Variants in MYOCD observed in about 807,000 individuals in gnomAD.
MYOCD encodes myocardin.
In MYOCD, 32 loss-of-function variants were observed where a neutral mutation model predicts 96.1. That is an observed-to-expected ratio of 0.33 (90% confidence interval 0.25 to 0.45). The LOEUF is 0.45. MYOCD is among the 20% of genes least tolerant of loss of function. MYOCD has a pLI of 1.00. For missense variants in MYOCD, 1,133 were observed against 1,200.6 expected (o/e 0.94, Z 0.83); for synonymous variants, 469 against 469.0 (o/e 1.00, Z 0.00).
chr17:12,731,737 C>T (rs1377352570), intron 5 of MYOCD, among the ~76,000 whole-genome samples: 1 of 152,190 alleles, frequency 6.6e-6, no homozygotes, highest in African/African-American at 2.4e-5. Flanking sequence ...AAAAAGCAAA[C>T]TCAAATGCGT....
chr17:12,712,646 A>G (rs749195207), intron 2 of MYOCD, among the ~76,000 whole-genome samples: 1 of 152,234 alleles, frequency 6.6e-6, no homozygotes, highest in African/African-American at 2.4e-5. Flanking sequence ...CTTTGGGGAC[A>G]GAAATAGGAA....
At chr17:12,674,701 T>C (rs966819249) in intron 1 of MYOCD, among the ~76,000 whole-genome samples, 8 of 152,208 alleles carry the variant, frequency 5.3e-5, no homozygotes, top group African/African-American at 1.9e-4. Flanking sequence ...CTGTCCACTG[T>C]TTATCTACAA....
Position 12,741,932 on chromosome 17 carries a change from A to G in MYOCD, c.718-2251A>G, listed in dbSNP as rs546700443. Reference sequence around the variant, plus strand: ...TGTCCCCTGGGCTCAAAAAGAGAATAGTAATAGTAGCCTTTACCCCAGACT... The same window carrying G: ...TGTCCCCTGGGCTCAAAAAGAGAATGGTAATAGTAGCCTTTACCCCAGACT... On this transcript the variant is annotated intron_variant, in intron 7 of 13. Transcript: ENST00000425538. Among the ~76,000 whole-genome samples the G allele has an allele frequency of 5.9e-5, 9 of 152,140 alleles. No homozygotes were observed. The South Asian group carries it at 1.7e-3, about 28-fold the overall frequency.
rs1010856335 is a variant in MYOCD, at chr17:12,714,321, G to A, written c.122-1198G>A. On this transcript the variant is annotated intron_variant, in intron 2 of 13. Transcript: ENST00000425538. Reference sequence around the variant, plus strand: ...TGGTCTTAAGGGTTGAATGAGGCACGTGCACACACACACACACACACACAC... The same window carrying A: ...TGGTCTTAAGGGTTGAATGAGGCACATGCACACACACACACACACACACAC... Among the ~76,000 whole-genome samples the A allele has an allele frequency of 3.1e-3, 119 of 38,202 alleles. 1 individual carries two copies. In the Admixed American group the frequency reaches 0.034, roughly 11 times the overall value. The allele number at this position is 38,202 out of a possible 152,430, so 25.1% of individuals were successfully genotyped here. A position where few individuals can be genotyped will look rare whatever the true frequency, so the allele number is the denominator to read the frequency against.
At chr17:12,741,735 C>T (rs1224433326) in intron 7 of MYOCD, among the ~76,000 whole-genome samples, 1 of 151,146 alleles carries the variant, frequency 6.6e-6, no homozygotes, top group Non-Finnish European at 1.5e-5. Context: ...AAAAAATTAG[C>T]AAAGCCTTCA....
intron 5 of MYOCD, among the ~76,000 whole-genome samples, chr17:12,734,156 C>G (rs2032267958): frequency 2.0e-5 from 3 of 152,180 alleles, no homozygotes; most frequent in African/African-American, 7.2e-5. Context: ...TTGTACACAT[C>G]TGGGAGGTGA....
chr17:12,750,600 A>G (rs1662611558), intron 9 of MYOCD, among the ~76,000 whole-genome samples: 1 of 152,012 alleles, frequency 6.6e-6, no homozygotes, highest in African/African-American at 2.4e-5. Flanking sequence ...GAGGCGGGAG[A>G]ATTGCTTGAA....
At chr17:12,722,216 G>T (rs2031859481) in intron 4 of MYOCD, among the ~76,000 whole-genome samples, 1 of 152,174 alleles carries the variant, frequency 6.6e-6, no homozygotes, top group African/African-American at 2.4e-5. Context: ...AACCTAAAAA[G>T]GAAGTTTGGT....
Position 12,752,812 on chromosome 17 carries a change from T to G in MYOCD, c.1524T>G (p.Ser508=). The change falls in exon 10 of 14, where the codon TCT becomes TCG. Residue 508 remains serine, a synonymous_variant. Transcript: ENST00000425538. Reference sequence around the variant, plus strand: ...GCCTGAATGGGGGCTCTGTTCCTTCTGAGCTGGATGGGCTGGACTCCGAGA... The same window carrying G: ...GCCTGAATGGGGGCTCTGTTCCTTCGGAGCTGGATGGGCTGGACTCCGAGA... ...MSSLNGGSVP[S]ELDGLDSEKD... The G allele has an allele frequency of 2.5e-6, 4 of 1,614,004 alleles. No homozygotes were observed. Among genetic ancestry groups the G allele is most frequent in the Non-Finnish European group, 3.4e-6 (4 of 1,180,000 alleles).
At chr17:12,734,504 C>T (rs975956101) in intron 5 of MYOCD, among the ~76,000 whole-genome samples, 4 of 65,476 alleles carry the variant, frequency 6.1e-5, no homozygotes, top group Non-Finnish European at 1.0e-4. Context: ...ACACATGATC[C>T]TTTTTTTTTT....
intron 7 of MYOCD, 41 bp from the exon 8 acceptor site, chr17:12,744,142 C>T (rs756653697): frequency 6.3e-7 from 1 of 1,592,852 alleles, no homozygotes. Context: ...CATTCTCAGC[C>T]ATCACCTAAA....
At chr17:12,694,991 C>T (rs1415771974) in intron 1 of MYOCD, among the ~76,000 whole-genome samples, 2 of 149,000 alleles carry the variant, frequency 1.3e-5, no homozygotes, top group Non-Finnish European at 3.0e-5. Context: ...TGATATATTA[C>T]TAATAAAAAT....
At chr17:12,714,361 A>ACACACACACACC (rs149778201) in intron 2 of MYOCD, among the ~76,000 whole-genome samples, 53 of 148,366 alleles carry the variant, frequency 3.6e-4, no homozygotes, top group East Asian at 5.9e-4. Flanking sequence ...ACACACACAC[A>ACACACACACACC]CCCCGATCTG....
At position 12,763,242 on chromosome 17, in the gene MYOCD, G is replaced by A. The variant is rs1236246234; in HGVS notation, c.2559G>A (p.Glu853=). ...ATCCCTATGCCACCGACAGTGATGA[G>A]CATCTTGAAGTCTTATTAAATTCCC... ...PFDPYATDSD[E]HLEVLLNSQS... The change falls in exon 14 of 14, where the codon GAG becomes GAA. Residue 853 remains glutamate (E), a synonymous_variant. Coordinates refer to ENST00000425538, the MANE Select transcript of MYOCD (RefSeq NM_001146312.3). The A allele has an allele frequency of 6.2e-7, 1 of 1,614,062 alleles. No homozygotes were observed. Among genetic ancestry groups the A allele is most frequent in the East Asian group, 2.2e-5 (1 of 44,860 alleles).
intron 12 of MYOCD, chr17:12,760,306 T>A: frequency 3.2e-6 from 1 of 309,680 alleles, no homozygotes; most frequent in South Asian, 3.5e-5. Flanking sequence ...ATAGTCAAAT[T>A]CGTAAAGGCA....
chr17:12,734,684 T>C (rs1007684177), intron 5 of MYOCD, among the ~76,000 whole-genome samples: 8 of 151,806 alleles, frequency 5.3e-5, no homozygotes, highest in Non-Finnish European at 1.0e-4. Context: ...CTAATTTTTG[T>C]ATTTTTAGTA....
In MYOCD at chr17:12,765,935, T is replaced by C. The variant is rs958948536; in HGVS notation, c.*2291T>C. 6.6e-6 allele frequency: 1 copy of C among 152,198 alleles called. No homozygotes were observed. Among genetic ancestry groups the C allele is most frequent in the Non-Finnish European group, 1.5e-5 (1 of 68,040 alleles). 9.4% of individuals were successfully genotyped at this position (152,198 alleles called of 1,614,324 possible). A position where few individuals can be genotyped will look rare whatever the true frequency, so the allele number is the denominator to read the frequency against. On this transcript the variant is annotated 3_prime_UTR_variant, in exon 14 of 14. Coordinates refer to ENST00000425538, the MANE Select transcript of MYOCD (RefSeq NM_001146312.3). ...TGTATTGTGCTTTAAAAGATCCACA[T>C]GGTAAATTTTTTATTTTGCTTTTAT...
chr17:12,705,229 A>G (rs1053591090), intron 2 of MYOCD, 36 bp downstream of exon 2: 6 of 1,482,094 alleles, frequency 4.0e-6, no homozygotes, highest in South Asian at 2.3e-5. Context: ...TGATATACAT[A>G]GGGCCACACC....
intron 1 of MYOCD, among the ~76,000 whole-genome samples, chr17:12,687,004 C>T (rs1165432677): frequency 6.6e-6 from 1 of 152,166 alleles, no homozygotes; most frequent in Non-Finnish European, 1.5e-5. Flanking sequence ...TATTCCCAAG[C>T]AGTGTCTCTT....
Sources: gnomAD v4.1 joint callset for allele counts (sites outside exome capture counted in the v4.1 genomes callset) on GRCh38, gnomAD v4.1.1 for gene constraint, MANE v1.5 for transcripts, NCBI Gene and HGNC (gene_info 2026-07-23, HGNC 2026-07-21) for gene names.